Variants in WDR75 observed in about 807,000 individuals in gnomAD.
WDR75 encodes the protein WD repeat-containing protein 75.
WDR75 carries 52 observed loss-of-function variants against 106.1 expected under a neutral mutation model. The ratio of observed to expected loss-of-function variants is 0.49; its 90% CI spans 0.39 to 0.62. WDR75 has a LOEUF of 0.62. Ranked by LOEUF, WDR75 falls within the 20% of genes least tolerant of loss-of-function variation. WDR75 has a pLI of 0.00. For missense variants in WDR75, 905 were observed against 970.3 expected (o/e 0.93, Z 0.89); for synonymous variants, 333 against 335.5 (o/e 0.99, Z 0.08).
At chr2:189,451,772 A>G in intron 3 of WDR75, 33 bp from the exon 4 acceptor site, 1 of 1,579,128 alleles carries the variant, frequency 6.3e-7, no homozygotes, top group Non-Finnish European at 8.7e-7. Context: ...GAGGGAACAG[A>G]CAGTAAACAC....
intron 18 of WDR75, among the ~76,000 whole-genome samples, chr2:189,472,971 A>G (rs1452157532): frequency 6.6e-6 from 1 of 152,124 alleles, no homozygotes; most frequent in Non-Finnish European, 1.5e-5. Flanking sequence ...GTAATCCCAC[A>G]TTTTGGAAGG....
rs1294383134 is a variant in WDR75, at chr2:189,463,946, TAA to T, written c.1100_1101del (p.Lys367ThrfsTer14). 2.6e-5 allele frequency: 42 copies of T among 1,613,196 alleles called. No homozygotes were observed. Among genetic ancestry groups the T allele is most frequent in the Non-Finnish European group, 3.6e-5 (42 of 1,179,544 alleles). Reference sequence around the variant, plus strand: ...TGCAGTTTTATTCTCTCCAGAGTGATAAACAGTTATACAATGTAAGATTTTGA... The same window carrying T: ...TGCAGTTTTATTCTCTCCAGAGTGATACAGTTATACAATGTAAGATTTTGA... ...HLQFYSLQSD[K>X]QLYNLDIIQQ... On this transcript the variant is annotated frameshift_variant, in exon 11 of 21. Transcript: ENST00000314761. LOFTEE classifies it high-confidence loss of function.
Position 189,463,677 on chromosome 2 carries a change from T to C in WDR75, c.938-17T>C. 3 of 1,613,106 alleles carry C rather than the reference T, an allele frequency of 1.9e-6. No individual in the cohort carries two copies. The highest frequency in any genetic ancestry group is 1.7e-4 in the Middle Eastern group (1 of 6,054). ...TAACCTATTGATATTTAAATACCTATTTTTTTCTACCCACAGAGATAATAA... is the reference window on the plus strand; with the variant it reads ...TAACCTATTGATATTTAAATACCTACTTTTTTCTACCCACAGAGATAATAA... On this transcript the variant is annotated splice_polypyrimidine_tract_variant and intron_variant, in intron 9 of 20. Coordinates refer to ENST00000314761, the MANE Select transcript of WDR75 (RefSeq NM_032168.3).
Position 189,457,978 on chromosome 2 carries a change from C to T in WDR75, c.569+597C>T, listed in dbSNP as rs907678064. 5.4e-5 allele frequency among the ~76,000 whole-genome samples: 7 copies of T among 130,546 alleles called. No individual in the cohort carries two copies. In the Admixed American group the frequency reaches 5.5e-4, roughly 10 times the overall value. The allele number at this position is 130,546 out of a possible 152,430, so 85.6% of individuals were successfully genotyped here. On this transcript the variant is annotated intron_variant, in intron 6 of 20. Transcript: ENST00000314761. Reference sequence around the variant, plus strand: ...TCTTGCTCTGTCGCCCAGGCTGGTGCAATGGTGTGTTCTCGGCTCACTGTA... The same window carrying T: ...TCTTGCTCTGTCGCCCAGGCTGGTGTAATGGTGTGTTCTCGGCTCACTGTA...
chr2:189,474,667 G>A (rs557622918), intron 19 of WDR75, 50 bp from the exon 20 acceptor site: 33 of 1,469,306 alleles, frequency 2.2e-5, no homozygotes, highest in South Asian at 4.6e-5. Flanking sequence ...AACAGACTGC[G>A]GTGGAGGATA....
At chr2:189,442,685 A>G (rs1457036912) in intron 1 of WDR75, among the ~76,000 whole-genome samples, 2 of 152,036 alleles carry the variant, frequency 1.3e-5, no homozygotes, top group East Asian at 3.9e-4. Context: ...CCTGGCCTCA[A>G]GTGATCTGCC....
chr2:189,468,046 T>C (rs1558988882), intron 14 of WDR75, among the ~76,000 whole-genome samples: 1 of 152,120 alleles, frequency 6.6e-6, no homozygotes, highest in Non-Finnish European at 1.5e-5. Flanking sequence ...CTGCTTCAGG[T>C]AGTTGGGCCT....
In WDR75 at chr2:189,458,808, G is replaced by C; in HGVS notation, c.625G>C (p.Val209Leu). Residue 209 changes from valine to leucine, a missense_variant, in exon 7 of 21, where the codon GTA becomes CTA. Physicochemically the swap from Val to Leu is conservative, Grantham distance 32. Coordinates refer to ENST00000314761, the MANE Select transcript of WDR75 (RefSeq NM_032168.3). The part of the protein sequence containing the change: ...KKHAKNNFTC[V>L]ACHPTEDCIA... ...GCATGCTAAAAACAATTTTACATGT[G>C]TAGCATGTCACCCAACGGAAGACTG... The C allele has an allele frequency of 6.2e-7, 1 of 1,608,660 alleles. No homozygotes were observed.
chr2:189,457,924 CTTT>C (rs11395971), intron 6 of WDR75, among the ~76,000 whole-genome samples: 62 of 116,348 alleles, frequency 5.3e-4, no homozygotes, highest in Admixed American at 1.9e-3. Flanking sequence ...GCCAAGATTG[CTTT>C]TTTTTTTTTT....
intron 6 of WDR75, 45 bp from the exon 7 acceptor site, chr2:189,458,708 A>G: frequency 6.8e-7 from 1 of 1,473,482 alleles, no homozygotes; most frequent in Non-Finnish European, 9.1e-7. Context: ...ACCACTTATC[A>G]AGAGACTTTA....
chr2:189,442,348 T>G (rs1686392340), intron 1 of WDR75, among the ~76,000 whole-genome samples: 1 of 151,906 alleles, frequency 6.6e-6, no homozygotes, highest in Admixed American at 6.6e-5. Flanking sequence ...CAAATAACTT[T>G]AGGTAGGGTG....
chr2:189,474,702 T>A lies in WDR75; in HGVS notation c.2197-15T>A. The stretch of plus-strand genomic sequence containing the variant: ...AAGCTTTTTAATTGCAACCGTGTTT[T>A]CTGTTTGACTCCAGCTTCTTCACAC... On this transcript the variant is annotated splice_polypyrimidine_tract_variant and intron_variant, in intron 19 of 20. Transcript: ENST00000314761. The A allele has an allele frequency of 6.2e-7, 1 of 1,611,340 alleles. No individual in the cohort carries two copies. The highest frequency in any genetic ancestry group is 8.5e-7 in the Non-Finnish European group (1 of 1,177,598).
At position 189,463,911 on chromosome 2, in the gene WDR75, C is replaced by G. The variant is rs374438581; in HGVS notation, c.1063C>G (p.Pro355Ala). Residue 355 changes from proline (P) to alanine (A), a missense_variant, in exon 11 of 21, where the codon CCT becomes GCT. Coordinates refer to ENST00000314761, the MANE Select transcript of WDR75 (RefSeq NM_032168.3). The stretch of plus-strand genomic sequence containing the variant: ...TAAAGCTTTGGTTTTGAATGGAAAA[C>G]CTGGCCACCTGCAGTTTTATTCTCT... Reference protein sequence around the residue: ...RTKALVLNGKPGHLQFYSLQS... With the variant: ...RTKALVLNGKAGHLQFYSLQS... The G allele has an allele frequency of 1.2e-6, 2 of 1,613,722 alleles. No individual in the cohort carries two copies. Among genetic ancestry groups the G allele is most frequent in the Non-Finnish European group, 1.7e-6 (2 of 1,179,838 alleles).
At chr2:189,470,953 G>GA (rs1228250456) in intron 18 of WDR75, 75 bp downstream of exon 18, 27 of 1,162,016 alleles carry the variant, frequency 2.3e-5, no homozygotes, top group Admixed American at 5.8e-5. Context: ...AGTCAACTAT[G>GA]AAAAAAATAT....
chr2:189,449,514 A>G, intron 2 of WDR75: 2 of 1,116,686 alleles, frequency 1.8e-6, no homozygotes, highest in Non-Finnish European at 2.2e-6. Flanking sequence ...AAATTTGTGA[A>G]GTCCATATAC....
intron 1 of WDR75, among the ~76,000 whole-genome samples, chr2:189,447,777 A>G (rs1686530532): frequency 6.6e-6 from 1 of 152,246 alleles, no homozygotes; most frequent in South Asian, 2.1e-4. Flanking sequence ...ATTTGAGTAT[A>G]CAATTCTTAA....
chr2:189,448,366 C>G lies in WDR75; in HGVS notation c.87-13C>G, dbSNP rs745807773. ...CAGTATGTAAAACTTACTTTTCTTTCTTTTTTTTCCAGGTATATCTTCTGT... is the reference window on the plus strand; with the variant it reads ...CAGTATGTAAAACTTACTTTTCTTTGTTTTTTTTCCAGGTATATCTTCTGT... On this transcript the variant is annotated splice_polypyrimidine_tract_variant and intron_variant, in intron 1 of 20. Coordinates refer to ENST00000314761, the MANE Select transcript of WDR75 (RefSeq NM_032168.3). The G allele has an allele frequency of 1.9e-6, 3 of 1,606,964 alleles. No individual in the cohort carries two copies. The highest frequency in any genetic ancestry group is 2.5e-6 in the Non-Finnish European group (3 of 1,176,990).
intron 2 of WDR75, chr2:189,450,005 A>G: frequency 1.0e-6 from 1 of 985,428 alleles, no homozygotes. Context: ...CTGGGACAAA[A>G]GTAAGCCTAT....
In WDR75 at chr2:189,463,739, A is replaced by T. The variant is rs1329644760; in HGVS notation, c.983A>T (p.Gln328Leu). The change falls in exon 10 of 21, where the codon CAA becomes CTA. Residue 328 changes from glutamine to leucine, a missense_variant. Transcript: ENST00000314761. ...AACCTTGAAGCATCCGCAGTAATTC[A>T]AGGCCTAGTGAAAGGTATTGCAGAA... ...HRNLEASAVI[Q>L]GLVKDRSIFT... is the part of the protein sequence containing the mutation. 1 of 1,613,832 alleles carries T rather than the reference A, an allele frequency of 6.2e-7. No homozygotes were observed. The highest frequency in any genetic ancestry group is 8.5e-7 in the Non-Finnish European group (1 of 1,179,792).
Sources: allele counts gnomAD v4.1 joint callset (sites outside exome capture counted in the v4.1 genomes callset), GRCh38; gene constraint gnomAD v4.1.1; transcripts MANE v1.5; gene names NCBI Gene and HGNC (gene_info 2026-07-23, HGNC 2026-07-21).